HNF4A: variants seen among roughly 807,000 people sequenced by gnomAD.
The protein encoded by HNF4A is hepatocyte nuclear factor 4-alpha.
Under a neutral mutation model 52.4 loss-of-function variants are expected in HNF4A, and 15 were observed. The ratio of observed to expected loss-of-function variants is 0.29; its 90% CI spans 0.19 to 0.44. The LOEUF (loss-of-function observed/expected upper bound fraction) is 0.44. Among genes scored for constraint, HNF4A ranks in the 20% least tolerant of loss-of-function variants. The probability of loss-of-function intolerance (pLI) is 1.00; values close to 1 mark genes in which losing one functional copy is unlikely to be tolerated. For synonymous variants in HNF4A, 280 were observed against 264.4 expected (o/e 1.06, Z -0.57); for missense variants, 479 against 647.2 (o/e 0.74, Z 2.82).
chr20:44,414,382 TG>T, intron 4 of HNF4A, 124 bp from the exon 5 acceptor site: 1 of 1,372,570 alleles, frequency 7.3e-7, no homozygotes, highest in Non-Finnish European at 1.0e-6. Context: ...CCTTCAGAGC[TG>T]GAGGGCACCC....
chr20:44,357,841 T>C (rs2062874597), intron 1 of HNF4A, among the ~76,000 whole-genome samples: 1 of 140,774 alleles, frequency 7.1e-6, no homozygotes, highest in Non-Finnish European at 1.6e-5. Context: ...GGTTCAAGAT[T>C]AAAAAAAAAA....
At chr20:44,418,656 G>T in intron 6 of HNF4A, 144 bp downstream of exon 6, 1 of 645,612 alleles carries the variant, frequency 1.5e-6, no homozygotes, top group Non-Finnish European at 2.8e-6. Flanking sequence ...TTGCATTAGA[G>T]GGCTCCAGGA....
chr20:44,385,962 C>T (rs1468715034), intron 1 of HNF4A, among the ~76,000 whole-genome samples: 3 of 151,044 alleles, frequency 2.0e-5, no homozygotes, highest in South Asian at 2.1e-4. Context: ...CAGGTTCAAG[C>T]GATTCTCCTG....
At position 44,413,660 on chromosome 20, in the gene HNF4A, T is replaced by C. The variant is rs112708220; in HGVS notation, c.386-34T>C. The C allele has an allele frequency of 2.0e-3, 2,835 of 1,450,316 alleles. 33 individuals carry two copies. The African/African-American group carries it at 0.02, about 10-fold the overall frequency. 89.8% of individuals were successfully genotyped at this position (1,450,316 alleles called of 1,614,324 possible). On this transcript the variant is annotated intron_variant, in intron 3 of 9. Coordinates refer to ENST00000316099, the MANE Select transcript of HNF4A (RefSeq NM_000457.6). ...ACCCCCACCCCCTACTCCATCCCTG[T>C]TCTCCCTCCTCACCTCTCTGTGCCT...
intron 1 of HNF4A, among the ~76,000 whole-genome samples, chr20:44,403,446 A>G (rs988147245): frequency 6.6e-6 from 1 of 152,222 alleles, no homozygotes; most frequent in Non-Finnish European, 1.5e-5. Flanking sequence ...TGGCCCCACC[A>G]TGGGTCATCT....
At chr20:44,414,444 G>C in intron 4 of HNF4A, 63 bp from the exon 5 acceptor site, 1 of 1,609,270 alleles carries the variant, frequency 6.2e-7, no homozygotes, top group East Asian at 2.2e-5. Context: ...GCTCTGTGCA[G>C]GGGACAGAGA....
chr20:44,422,633 A>G (rs1472027103), intron 7 of HNF4A, among the ~76,000 whole-genome samples: 4 of 150,188 alleles, frequency 2.7e-5, no homozygotes, highest in African/African-American at 4.9e-5. Context: ...CCAGCCATCT[A>G]ACAAAAAATA....
intron 1 of HNF4A, among the ~76,000 whole-genome samples, chr20:44,357,545 A>G (rs1226360727): frequency 6.6e-6 from 1 of 152,152 alleles, no homozygotes; most frequent in Non-Finnish European, 1.5e-5. Flanking sequence ...CTCTTAAAGG[A>G]TGATACAATA....
Position 44,407,483 on chromosome 20 carries a change from T to C in HNF4A, c.385+8T>C. Reference sequence around the variant, plus strand: ...CTGGCATGAAGAAGGAAGGTGAGCCTCGGCCCTCCCCGCCCCACCACCACT... The same window carrying C: ...CTGGCATGAAGAAGGAAGGTGAGCCCCGGCCCTCCCCGCCCCACCACCACT... On this transcript the variant is annotated splice_region_variant and intron_variant, in intron 3 of 9. Transcript: ENST00000316099. The C allele has an allele frequency of 6.3e-7, 1 of 1,576,462 alleles. No homozygotes were observed. The highest frequency in any genetic ancestry group is 8.6e-7 in the Non-Finnish European group (1 of 1,157,358).
At chr20:44,373,496 T>C (rs2063054493) in intron 1 of HNF4A, among the ~76,000 whole-genome samples, 1 of 152,006 alleles carries the variant, frequency 6.6e-6, no homozygotes, top group South Asian at 2.1e-4. Flanking sequence ...TTTTTAATCA[T>C]CCTTCTCTGC....
At chr20:44,387,721 T>TAAA (rs367716974) in intron 1 of HNF4A, among the ~76,000 whole-genome samples, 23 of 107,850 alleles carry the variant, frequency 2.1e-4, no homozygotes, top group Admixed American at 4.6e-4. Context: ...CTGGCAGGTT[T>TAAA]AAAAAAAAAA....
rs115786018 is a variant in HNF4A at position 44,402,449 on chromosome 20, C to G, written c.115+962C>G. ...TCCCTGTGCTGCGGGCGGGGGTCAGCGGTCTCTGGTGTGCACGACTGCACA... is the reference window on the plus strand; with the variant it reads ...TCCCTGTGCTGCGGGCGGGGGTCAGGGGTCTCTGGTGTGCACGACTGCACA... On this transcript the variant is annotated intron_variant, in intron 1 of 9. Transcript: ENST00000316099. 1.6e-5 allele frequency: 10 copies of G among 606,740 alleles called. No individual in the cohort carries two copies. The Admixed American group carries it at 2.0e-4, about 12-fold the overall frequency. 37.6% of individuals were successfully genotyped at this position (606,740 alleles called of 1,614,324 possible).
In HNF4A at chr20:44,375,168, G is replaced by A. The variant is rs140831363; in HGVS notation, c.49+19315G>A. 2.7e-3 allele frequency among the ~76,000 whole-genome samples: 415 copies of A among 152,226 alleles called. 1 individual carries two copies. Among genetic ancestry groups the A allele is most frequent in the African/African-American group, 9.0e-3 (373 of 41,554 alleles). ...GAACATTTTTTCATCTTTGTTGGCC[G>A]CTTGTACATCTTCTTTTGAGAAGTG... is the stretch of plus-strand genomic sequence containing the variant. On this transcript the variant is annotated intron_variant, in intron 1 of 9. Coordinates refer to the HNF4A transcript ENST00000316673.
intron 4 of HNF4A, 27 bp downstream of exon 4, chr20:44,413,827 C>T (rs1356687275): frequency 1.4e-6 from 2 of 1,473,806 alleles, no homozygotes; most frequent in South Asian, 1.2e-5. Context: ...GCCACCCACC[C>T]AGGGATCCCC....
At chr20:44,363,126 G>A (rs1432105314) in intron 1 of HNF4A, among the ~76,000 whole-genome samples, 2 of 152,030 alleles carry the variant, frequency 1.3e-5, no homozygotes, top group African/African-American at 4.8e-5. Context: ...AAAGTGCTGG[G>A]ATTACAGGCC....
chr20:44,374,534 G>C (rs2063065343), intron 1 of HNF4A, among the ~76,000 whole-genome samples: 2 of 152,138 alleles, frequency 1.3e-5, no homozygotes, highest in African/African-American at 4.8e-5. Flanking sequence ...CGCAATCTCA[G>C]CTCACTGCAA....
At chr20:44,429,389 C>A (rs1026970741) in intron 9 of HNF4A, 134 bp from the exon 10 acceptor site, 4 of 931,074 alleles carry the variant, frequency 4.3e-6, no homozygotes, top group Non-Finnish European at 5.1e-6. Context: ...TTAATTAATT[C>A]TCTCATTTTA....
chr20:44,429,911 G>A lies in HNF4A; in HGVS notation c.*246G>A. Reference sequence around the variant, plus strand: ...TACTGCCTTGGACAACTTTTCTCATGTTGAAGCCACTGCCTTCACCTTCAC... The same window carrying A: ...TACTGCCTTGGACAACTTTTCTCATATTGAAGCCACTGCCTTCACCTTCAC... On this transcript the variant is annotated 3_prime_UTR_variant, in exon 10 of 10. Coordinates refer to ENST00000316099, the MANE Select transcript of HNF4A (RefSeq NM_000457.6). The A allele has an allele frequency of 1.8e-6, 1 of 541,442 alleles. No homozygotes were observed. Among genetic ancestry groups the A allele is most frequent in the Non-Finnish European group, 3.3e-6 (1 of 303,490 alleles). 33.5% of individuals were successfully genotyped at this position (541,442 alleles called of 1,614,324 possible). A position where few individuals can be genotyped will look rare whatever the true frequency, so the allele number is the denominator to read the frequency against.
At chr20:44,363,390 T>C (rs988312150) in intron 1 of HNF4A, among the ~76,000 whole-genome samples, 3 of 152,166 alleles carry the variant, frequency 2.0e-5, no homozygotes, top group African/African-American at 7.2e-5. Context: ...ATTTTGGCTG[T>C]TGTAGAAACA....
Sources: allele counts gnomAD v4.1 joint callset (sites outside exome capture counted in the v4.1 genomes callset), GRCh38; gene constraint gnomAD v4.1.1; transcripts MANE v1.5; gene names NCBI Gene and HGNC (gene_info 2026-07-23, HGNC 2026-07-21).